Variants in COPS3 observed in about 807,000 individuals in gnomAD.
COPS3 encodes COP9 signalosome complex subunit 3.
In COPS3, 10 loss-of-function variants were observed where a neutral mutation model predicts 58.2. The ratio of observed to expected loss-of-function variants is 0.17; its 90% CI spans 0.11 to 0.29. The LOEUF (loss-of-function observed/expected upper bound fraction) is 0.29. Among genes scored for constraint, COPS3 ranks in the 10% least tolerant of loss-of-function variants. COPS3 has a pLI of 1.00. For missense variants in COPS3, 333 were observed against 510.1 expected, an observed-to-expected ratio of 0.65 and a Z score of 3.34; for synonymous variants, 187 against 181.7, an observed-to-expected ratio of 1.03 and a Z score of -0.24.
intron 5 of COPS3, among the ~76,000 whole-genome samples, chr17:17,266,790 C>A (rs565589845): frequency 6.6e-6 from 1 of 150,842 alleles, no homozygotes; most frequent in Non-Finnish European, 1.5e-5. Context: ...CAGAGCAAGA[C>A]TCCATCTCAA....
chr17:17,255,763 T>TTGGGAGG (rs1281703221), intron 8 of COPS3, among the ~76,000 whole-genome samples: 1 of 149,566 alleles, frequency 6.7e-6, no homozygotes, highest in Non-Finnish European at 1.5e-5. Flanking sequence ...TCGCTTAAAC[T>TTGGGAGG]TGGGAGGTGG....
chr17:17,267,816 A>T, intron 5 of COPS3, 69 bp downstream of exon 5: 1 of 1,511,972 alleles, frequency 6.6e-7, no homozygotes, highest in Non-Finnish European at 9.1e-7. Flanking sequence ...TATCAAACCC[A>T]ATGTTGAGCA....
chr17:17,263,188 T>A (rs1597679987), intron 6 of COPS3, among the ~76,000 whole-genome samples: 2 of 150,976 alleles, frequency 1.3e-5, no homozygotes, highest in African/African-American at 4.9e-5. Flanking sequence ...GTCACGAGGC[T>A]GAGGCAGGAG....
In COPS3 at chr17:17,248,908, C is replaced by A. The variant is rs368885985; in HGVS notation, c.1137+18G>T. 3.5e-5 allele frequency: 49 copies of A among 1,410,928 alleles called. No homozygotes were observed. In the African/African-American group the frequency reaches 6.1e-4, roughly 18 times the overall value. The allele number at this position is 1,410,928 out of a possible 1,614,324, so 87.4% of individuals were successfully genotyped here. A position where few individuals can be genotyped will look rare whatever the true frequency, so the allele number is the denominator to read the frequency against. Reference sequence around the variant, plus strand: ...CAACCATCAATTAAAAAAATAAAAACCTGGCATTCATGTTTACCTCCTGAT... The same window carrying A: ...CAACCATCAATTAAAAAAATAAAAAACTGGCATTCATGTTTACCTCCTGAT... On this transcript the variant is annotated intron_variant, in intron 10 of 11. Coordinates refer to ENST00000268717, the MANE Select transcript of COPS3 (RefSeq NM_003653.4).
intron 4 of COPS3, 115 bp from the exon 5 acceptor site, chr17:17,268,092 A>G: frequency 7.5e-7 from 1 of 1,336,978 alleles, no homozygotes; most frequent in Admixed American, 3.0e-5. Flanking sequence ...TTTAAATAGC[A>G]ATATGAGGTT....
chr17:17,266,636 T>G (rs112070399), intron 5 of COPS3, among the ~76,000 whole-genome samples: 3 of 151,676 alleles, frequency 2.0e-5, no homozygotes, highest in African/African-American at 7.3e-5. Context: ...CCATCTCTAC[T>G]AAAAATACAA....
intron 11 of COPS3, 56 bp downstream of exon 11, chr17:17,247,424 C>T: frequency 6.7e-7 from 1 of 1,502,570 alleles, no homozygotes; most frequent in African/African-American, 1.4e-5. Flanking sequence ...CCTGATGTGA[C>T]AACACCCCTC....
chr17:17,264,264 A>C (rs1467286437), intron 6 of COPS3, among the ~76,000 whole-genome samples: 2 of 152,232 alleles, frequency 1.3e-5, no homozygotes, highest in Non-Finnish European at 2.9e-5. Flanking sequence ...TTTATTAATC[A>C]ATATTGTGTA....
chr17:17,280,879 A>G, intron 1 of COPS3: 2 of 1,037,238 alleles, frequency 1.9e-6, no homozygotes, highest in Non-Finnish European at 2.7e-6. Context: ...GAAGGGGCCC[A>G]GGCCGGGGGG....
chr17:17,258,367 C>T (rs540282121), intron 8 of COPS3, among the ~76,000 whole-genome samples: 44 of 152,250 alleles, frequency 2.9e-4, no homozygotes, highest in African/African-American at 9.1e-4. Flanking sequence ...GGTGCAATCT[C>T]GGCTCACTGC....
intron 8 of COPS3, among the ~76,000 whole-genome samples, chr17:17,257,732 G>C (rs1478785275): frequency 8.0e-5 from 12 of 150,124 alleles, no homozygotes; most frequent in Non-Finnish European, 1.8e-4. Context: ...GGGAGGTGGA[G>C]CTTGCAGTGA....
intron 8 of COPS3, 89 bp from the exon 9 acceptor site, chr17:17,255,034 GCT>G (rs2047936730): frequency 1.2e-6 from 1 of 834,768 alleles, no homozygotes; most frequent in African/African-American, 1.7e-5. Context: ...AGGCGTGGTG[GCT>G]CATGTCTGTA....
At chr17:17,278,798 A>T (rs1250380678) in intron 1 of COPS3, among the ~76,000 whole-genome samples, 1 of 147,620 alleles carries the variant, frequency 6.8e-6, no homozygotes, top group African/African-American at 2.5e-5. Context: ...AGGGCAGAGT[A>T]AAAAAAAAAA....
rs996047194 is a variant in COPS3, at chr17:17,280,765, T to A, written c.55+367A>T. 5.6e-6 allele frequency: 7 copies of A among 1,249,758 alleles called. No individual in the cohort carries two copies. The African/African-American group carries it at 1.1e-4, about 20-fold the overall frequency. 77.4% of individuals were successfully genotyped at this position (1,249,758 alleles called of 1,614,324 possible). On this transcript the variant is annotated intron_variant, in intron 1 of 11. Transcript: ENST00000268717. ...ATCGGCGGCAAAGATGACATGGCGG[T>A]GCGCCAATCACCGAAGGCAAGAGAG...
chr17:17,252,225 T>C (rs1270864268), intron 9 of COPS3, among the ~76,000 whole-genome samples: 1 of 152,212 alleles, frequency 6.6e-6, no homozygotes, highest in East Asian at 1.9e-4. Flanking sequence ...TTAAGTGTAC[T>C]TTTCCAATGT....
Position 17,270,933 on chromosome 17 carries a change from A to C in COPS3, c.261T>G (p.Thr87=), listed in dbSNP as rs1394652066. The change falls in exon 3 of 12, where the codon ACT becomes ACG. Residue 87 remains threonine, a synonymous_variant. Transcript: ENST00000268717. The part of the protein sequence containing the change: ...LFSQVQLFIS[T]CNGEHIRYAT... ...CATATCGAATGTGCTCCCCATTACA[A>C]GTGCTGATGAAGAGCTGAACCTGTG... 3.7e-6 allele frequency: 6 copies of C among 1,613,906 alleles called. No individual in the cohort carries two copies. The highest frequency in any genetic ancestry group is 5.1e-6 in the Non-Finnish European group (6 of 1,180,000).
At chr17:17,280,867 T>C (rs1216710754) in intron 1 of COPS3, 8 of 1,078,664 alleles carry the variant, frequency 7.4e-6, no homozygotes, top group Non-Finnish European at 6.3e-6. Context: ...AAGCGCCCGG[T>C]GGAAGGGGCC....
chr17:17,262,975 A>C, intron 6 of COPS3, among the ~76,000 whole-genome samples: 1 of 150,590 alleles, frequency 6.6e-6, no homozygotes, highest in African/African-American at 2.4e-5. Context: ...GGCTCACTGC[A>C]ACCTCCATCT....
intron 1 of COPS3, among the ~76,000 whole-genome samples, chr17:17,276,572 CT>C (rs369484876): frequency 0.032 from 4,634 of 143,476 alleles, 189 homozygotes; most frequent in African/African-American, 0.1. Flanking sequence ...TGGACTACAT[CT>C]TTTTTTTTTT....
Sources: allele counts gnomAD v4.1 joint callset (sites outside exome capture counted in the v4.1 genomes callset), GRCh38; gene constraint gnomAD v4.1.1; transcripts MANE v1.5; gene names NCBI Gene and HGNC (gene_info 2026-07-23, HGNC 2026-07-21).